Variants in ZNF248 observed in about 807,000 individuals in gnomAD.
ZNF248 encodes zinc finger protein 248, also known as KRAB protein domain.
ZNF248 carries 20 observed loss-of-function variants against 44.3 expected under a neutral mutation model. The observed-to-expected ratio is 0.45, with a 90% CI of 0.32 to 0.66. ZNF248 has a LOEUF of 0.66. ZNF248 is among the 30% of genes least tolerant of loss of function. The pLI is 0.04. For synonymous variants in ZNF248, 224 were observed against 229.0 expected, an observed-to-expected ratio of 0.98 and a Z score of 0.20; for missense variants, 654 against 677.0, an observed-to-expected ratio of 0.97 and a Z score of 0.38.
intron 6 of ZNF248, chr10:37,796,211 T>A (rs1457351329): frequency 1.3e-5 from 2 of 151,590 alleles, no homozygotes; most frequent in Admixed American, 1.3e-4. Flanking sequence ...CAAACACAAA[T>A]CTTTATAATA....
At chr10:37,835,063 T>C (rs2056833891) in intron 5 of ZNF248, among the ~76,000 whole-genome samples, 1 of 152,036 alleles carries the variant, frequency 6.6e-6, no homozygotes, top group South Asian at 2.1e-4. Context: ...ATTTAATTTA[T>C]TAATAAGCAG....
the ZNF248 span, among the ~76,000 whole-genome samples, chr10:37,770,423 G>GAT: frequency 6.6e-6 from 1 of 152,170 alleles, no homozygotes; most frequent in Non-Finnish European, 1.5e-5. Flanking sequence ...TACCAAAACA[G>GAT]ATATAGATCA....
chr10:37,770,907 A>T, the ZNF248 span, among the ~76,000 whole-genome samples: 1 of 152,216 alleles, frequency 6.6e-6, no homozygotes, highest in Non-Finnish European at 1.5e-5. Flanking sequence ...TCTACAATGA[A>T]CTGAAGCAAA....
downstream of ZNF248, among the ~76,000 whole-genome samples, chr10:37,776,051 T>G (rs2046560242): frequency 6.6e-6 from 1 of 152,034 alleles, no homozygotes; most frequent in Non-Finnish European, 1.5e-5. Flanking sequence ...TCTATAGGAT[T>G]AGGGTAGGTA....
the ZNF248 span, among the ~76,000 whole-genome samples, chr10:37,761,106 T>C: frequency 2.0e-5 from 3 of 152,204 alleles, no homozygotes; most frequent in African/African-American, 7.2e-5. Context: ...TGTAGACACA[T>C]TTTCTCAACA....
At chr10:37,792,036 T>C (rs572883523) in intron 6 of ZNF248, 1 of 151,984 alleles carries the variant, frequency 6.6e-6, no homozygotes, top group East Asian at 1.9e-4. Context: ...TTAAGTGGTT[T>C]TATAGCTTGC....
At chr10:37,802,161 A>G (rs2049916839) in intron 6 of ZNF248, among the ~76,000 whole-genome samples, 2 of 152,272 alleles carry the variant, frequency 1.3e-5, no homozygotes, top group South Asian at 4.1e-4. Flanking sequence ...TCCCTTATAA[A>G]TCTCACAAAG....
intron 5 of ZNF248, among the ~76,000 whole-genome samples, chr10:37,834,659 T>A (rs1369706376): frequency 6.6e-6 from 1 of 152,176 alleles, no homozygotes; most frequent in East Asian, 1.9e-4. Flanking sequence ...CAGCCACTGG[T>A]GAGTTAATGT....
Position 37,831,378 on chromosome 10 carries a change from G to C in ZNF248, c.*237C>G. On this transcript the variant is annotated 3_prime_UTR_variant, in exon 6 of 6. Transcript: ENST00000395867. ...GCAACAAAATTTTGGTATCACGTCT[G>C]GAATATAACACTAAACAACATAAAT... The C allele has an allele frequency of 6.5e-7, 1 of 1,544,656 alleles. No individual in the cohort carries two copies. Among genetic ancestry groups the C allele is most frequent in the African/African-American group, 1.4e-5 (1 of 72,838 alleles).
intron 3 of ZNF248, among the ~76,000 whole-genome samples, chr10:37,843,894 T>C (rs1444109357): frequency 2.0e-5 from 3 of 151,794 alleles, no homozygotes; most frequent in African/African-American, 7.3e-5. Context: ...TATAAAGAAA[T>C]GTGAATAGAG....
the ZNF248 span, among the ~76,000 whole-genome samples, chr10:37,761,194 G>A: frequency 1.3e-5 from 2 of 152,182 alleles, no homozygotes; most frequent in African/African-American, 2.4e-5. Flanking sequence ...GACTCTTATT[G>A]GCCCATCTTG....
chr10:37,778,798 T>A (rs2046924582), intron 6 of ZNF248, among the ~76,000 whole-genome samples: 1 of 151,930 alleles, frequency 6.6e-6, no homozygotes, highest in African/African-American at 2.4e-5. Flanking sequence ...GAGAGAAGAA[T>A]CAAATAGAAG....
At chr10:37,784,298 CCAGAGTATA>C (rs2047632695) in intron 6 of ZNF248, among the ~76,000 whole-genome samples, 1 of 152,210 alleles carries the variant, frequency 6.6e-6, no homozygotes, top group Non-Finnish European at 1.5e-5. Context: ...ATCTTAAAGT[CCAGAGTATA>C]CAGATATGTC....
chr10:37,857,722 C>G (rs1009806366), upstream of ZNF248: 1 of 152,550 alleles, frequency 6.6e-6, no homozygotes, highest in African/African-American at 2.4e-5. Flanking sequence ...GTCCCCTCCC[C>G]GCAGCCAGTT....
chr10:37,806,305 G>A (rs962961418), intron 6 of ZNF248, among the ~76,000 whole-genome samples: 5 of 152,172 alleles, frequency 3.3e-5, no homozygotes, highest in African/African-American at 1.2e-4. Context: ...CATAGCAGCT[G>A]TACCATTTTA....
Position 37,831,714 on chromosome 10 carries a change from C to A in ZNF248, c.1641G>T (p.Pro547=). 3 of 1,613,792 alleles carry A rather than the reference C, an allele frequency of 1.9e-6. No homozygotes were observed. Among genetic ancestry groups the A allele is most frequent in the East Asian group, 2.2e-5 (1 of 44,862 alleles). ...KHQRTHTGEK[P]YECNACGKTF... is the part of the protein sequence containing the mutation. Reference sequence around the variant, plus strand: ...TCTTCCCACATGCATTACACTCATACGGCTTCTCCCCTGTGTGAGTCCTCT... The same window carrying A: ...TCTTCCCACATGCATTACACTCATAAGGCTTCTCCCCTGTGTGAGTCCTCT... The change falls in exon 6 of 6, where the codon CCG becomes CCT. Residue 547 remains proline (P), a synonymous_variant. Coordinates refer to ENST00000395867, the MANE Select transcript of ZNF248 (RefSeq NM_021045.3).
intron 6 of ZNF248, among the ~76,000 whole-genome samples, chr10:37,787,373 A>G (rs1241588325): frequency 6.6e-6 from 1 of 152,192 alleles, no homozygotes; most frequent in Admixed American, 6.6e-5. Context: ...TGGCACTGGC[A>G]TAAGTACGAA....
At chr10:37,807,502 T>C (rs1198146763) in intron 6 of ZNF248, among the ~76,000 whole-genome samples, 1 of 152,206 alleles carries the variant, frequency 6.6e-6, no homozygotes, top group Non-Finnish European at 1.5e-5. Context: ...AACCTGTAGA[T>C]TGCTTTGGGT....
At position 37,819,770 on chromosome 10, in the gene ZNF248, T is replaced by C. The variant is rs921842816; in HGVS notation, c.330+13255A>G. The C allele has an allele frequency of 2.4e-5, 19 of 781,786 alleles. No homozygotes were observed. The Admixed American group carries it at 3.2e-4, about 13-fold the overall frequency. The allele number at this position is 781,786 out of a possible 1,614,324, so 48.4% of individuals were successfully genotyped here. A position where few individuals can be genotyped will look rare whatever the true frequency, so the allele number is the denominator to read the frequency against. On this transcript the variant is annotated intron_variant, in intron 6 of 6. Coordinates refer to the ZNF248 transcript ENST00000615949. The stretch of plus-strand genomic sequence containing the variant: ...AGCTCCATTGGTCCTGCTTTTCCAC[T>C]GTTTCTGCTCACTGGTTGCAGGAGG...
Sources: allele counts gnomAD v4.1 joint callset (sites outside exome capture counted in the v4.1 genomes callset), GRCh38; gene constraint gnomAD v4.1.1; transcripts MANE v1.5; gene names NCBI Gene and HGNC (gene_info 2026-07-23, HGNC 2026-07-21).